XKR4: variants seen among roughly 807,000 people sequenced by gnomAD.
XKR4 encodes the protein XK-related protein 4.
XKR4 carries 12 observed loss-of-function variants against 53.9 expected under a neutral mutation model. The ratio of observed to expected loss-of-function variants is 0.22; its 90% CI spans 0.14 to 0.36. XKR4 has a LOEUF of 0.36. Among genes scored for constraint, XKR4 ranks in the 10% least tolerant of loss-of-function variants. The probability of loss-of-function intolerance (pLI) is 1.00; values close to 1 mark genes in which losing one functional copy is unlikely to be tolerated. For missense variants in XKR4, 799 were observed against 859.5 expected (o/e 0.93, Z 0.88); for synonymous variants, 354 against 362.4 (o/e 0.98, Z 0.26).
At chr8:55,204,269 A>G (rs1203967582) in intron 1 of XKR4, among the ~76,000 whole-genome samples, 1 of 152,172 alleles carries the variant, frequency 6.6e-6, no homozygotes, top group Non-Finnish European at 1.5e-5. Context: ...GCCTCCTAAA[A>G]TAAATCCAAA....
intron 1 of XKR4, 25 bp from the exon 2 acceptor site, chr8:55,357,653 C>G: frequency 6.2e-7 from 1 of 1,612,356 alleles, no homozygotes; most frequent in East Asian, 2.2e-5. Context: ...TCATCTCTTT[C>G]TTATTCTCCA....
chr8:55,357,621 T>C (rs1346142107), intron 1 of XKR4, 57 bp from the exon 2 acceptor site: 1 of 1,588,406 alleles, frequency 6.3e-7, no homozygotes, highest in Non-Finnish European at 8.6e-7. Context: ...ACCCTGGAGT[T>C]TGAATTATAA....
In XKR4 at chr8:55,540,585, G is replaced by A. The variant is rs1807088016; in HGVS notation, c.*16358G>A. The A allele has an allele frequency of 6.6e-6, 1 of 152,192 alleles. No homozygotes were observed. The highest frequency in any genetic ancestry group is 2.4e-5 in the African/African-American group (1 of 41,458). 9.4% of individuals were successfully genotyped at this position (152,192 alleles called of 1,614,324 possible). A position where few individuals can be genotyped will look rare whatever the true frequency, so the allele number is the denominator to read the frequency against. On this transcript the variant is annotated 3_prime_UTR_variant, in exon 3 of 3. Coordinates refer to ENST00000327381, the MANE Select transcript of XKR4 (RefSeq NM_052898.2). ...GCCAGACAGCTCAATAGCCTAGGGA[G>A]AGTCGATGAAGGATATGCAAATTAC... is the stretch of plus-strand genomic sequence containing the variant.
chr8:55,220,006 A>G (rs1333704484), intron 1 of XKR4, among the ~76,000 whole-genome samples: 1 of 152,158 alleles, frequency 6.6e-6, no homozygotes, highest in East Asian at 1.9e-4. Context: ...GCACTGTGAT[A>G]ACCATAGTTA....
At chr8:55,310,784 A>C (rs1819377283) in intron 1 of XKR4, among the ~76,000 whole-genome samples, 1 of 152,196 alleles carries the variant, frequency 6.6e-6, no homozygotes. Context: ...GCCGACCCTG[A>C]GTGGGAGATT....
rs56242851 is a variant in XKR4 at position 55,476,048 on chromosome 8, C to T, written c.1007-47233C>T. Among the ~76,000 whole-genome samples, 256 of 152,146 alleles carry T rather than the reference C, an allele frequency of 1.7e-3. 2 individuals are homozygous for T. Among genetic ancestry groups the T allele is most frequent in the African/African-American group, 5.8e-3 (240 of 41,468 alleles). On this transcript the variant is annotated intron_variant, in intron 2 of 2. Coordinates refer to ENST00000327381, the MANE Select transcript of XKR4 (RefSeq NM_052898.2). ...GGTGTTAGCCACCGCACCTGGCTAC[C>T]TCATAAATAATGAGCTCTTAGTTCA...
In XKR4 at chr8:55,297,683, G is replaced by A. The variant is rs190157597; in HGVS notation, c.807-59995G>A. On this transcript the variant is annotated intron_variant, in intron 1 of 2. Transcript: ENST00000327381. Reference sequence around the variant, plus strand: ...AGTTTTTAAAAAATATTTCTCTAATGAAGACATATGACTACTTAGGTACAT... The same window carrying A: ...AGTTTTTAAAAAATATTTCTCTAATAAAGACATATGACTACTTAGGTACAT... Among the ~76,000 whole-genome samples the A allele has an allele frequency of 3.9e-5, 6 of 152,302 alleles. No individual in the cohort carries two copies. In the East Asian group the frequency reaches 1.2e-3, roughly 29 times the overall value.
intron 1 of XKR4, among the ~76,000 whole-genome samples, chr8:55,261,078 T>C (rs1353481437): frequency 6.6e-6 from 1 of 152,172 alleles, no homozygotes; most frequent in Non-Finnish European, 1.5e-5. Context: ...CCTATATCAC[T>C]ACCTGGGAAG....
chr8:55,302,775 A>C (rs1333741422), intron 1 of XKR4, among the ~76,000 whole-genome samples: 1 of 152,018 alleles, frequency 6.6e-6, no homozygotes, highest in Non-Finnish European at 1.5e-5. Context: ...ATGGGAGTTC[A>C]CTCATGATTT....
chr8:55,260,711 A>C (rs1818513226), intron 1 of XKR4, among the ~76,000 whole-genome samples: 1 of 152,158 alleles, frequency 6.6e-6, no homozygotes, highest in Non-Finnish European at 1.5e-5. Flanking sequence ...ACCAGGTGTC[A>C]CATTTGCATA....
chr8:55,418,320 T>C (rs1728876754), intron 2 of XKR4, among the ~76,000 whole-genome samples: 1 of 152,182 alleles, frequency 6.6e-6, no homozygotes, highest in Admixed American at 6.5e-5. Context: ...TCCTGATGGT[T>C]CTCTGCAAAC....
chr8:55,358,963 G>A (rs1005771095), intron 2 of XKR4, among the ~76,000 whole-genome samples: 5 of 152,174 alleles, frequency 3.3e-5, no homozygotes, highest in Admixed American at 1.3e-4. Context: ...TACCTGTATA[G>A]GAAAAGGAAG....
intron 1 of XKR4, among the ~76,000 whole-genome samples, chr8:55,110,601 AG>A (rs1816218128): frequency 6.6e-6 from 1 of 152,102 alleles, no homozygotes; most frequent in Non-Finnish European, 1.5e-5. Context: ...TTAGATTACT[AG>A]TGTTGGGAAA....
At chr8:55,228,214 G>C (rs1022559069) in intron 1 of XKR4, among the ~76,000 whole-genome samples, 5 of 152,166 alleles carry the variant, frequency 3.3e-5, no homozygotes, top group Non-Finnish European at 5.9e-5. Context: ...ACCCGGCCAT[G>C]TCATTACTGT....
rs1203596367 is a variant in XKR4 at position 55,289,723 on chromosome 8, GAGAA to G, written c.807-67937_807-67934del. Among the ~76,000 whole-genome samples the G allele has an allele frequency of 2.1e-3, 105 of 49,066 alleles. 1 individual carries two copies. The highest frequency in any genetic ancestry group is 3.1e-3 in the African/African-American group (83 of 26,928). 32.2% of individuals were successfully genotyped at this position (49,066 alleles called of 152,430 possible). A position where few individuals can be genotyped will look rare whatever the true frequency, so the allele number is the denominator to read the frequency against. ...AAAGAAAGAAAGAAAGAGAGAGAAA[GAGAA>G]AGAAAGAAAGAAAGAAAAAGAAAGA... On this transcript the variant is annotated intron_variant, in intron 1 of 2. Coordinates refer to ENST00000327381, the MANE Select transcript of XKR4 (RefSeq NM_052898.2).
At chr8:55,261,390 C>A (rs1001182484) in intron 1 of XKR4, among the ~76,000 whole-genome samples, 2 of 152,200 alleles carry the variant, frequency 1.3e-5, no homozygotes, top group Admixed American at 1.3e-4. Context: ...AATATGTTTT[C>A]TAACATCAGA....
chr8:55,193,432 C>G (rs1335281133), intron 1 of XKR4, among the ~76,000 whole-genome samples: 1 of 152,132 alleles, frequency 6.6e-6, no homozygotes, highest in African/African-American at 2.4e-5. Context: ...CACCTGTCGT[C>G]AGTCCCTCCC....
chr8:55,180,756 C>T (rs1405124754), intron 1 of XKR4, among the ~76,000 whole-genome samples: 1 of 152,062 alleles, frequency 6.6e-6, no homozygotes, highest in Non-Finnish European at 1.5e-5. Context: ...TGGCCTTGAA[C>T]TCCTGACCTC....
chr8:55,438,674 T>C (rs1805216753), intron 2 of XKR4, among the ~76,000 whole-genome samples: 1 of 151,470 alleles, frequency 6.6e-6, no homozygotes, highest in Non-Finnish European at 1.5e-5. Context: ...AAGAAGAAAT[T>C]GGTGATCTTC....
Sources: allele counts gnomAD v4.1 joint callset (sites outside exome capture counted in the v4.1 genomes callset), GRCh38; gene constraint gnomAD v4.1.1; transcripts MANE v1.5; gene names NCBI Gene and HGNC (gene_info 2026-07-23, HGNC 2026-07-21).